Variants in TMEM108 observed in about 807,000 individuals in gnomAD.
TMEM108 encodes the protein transmembrane protein 108.
In TMEM108, 12 loss-of-function variants were observed where a neutral mutation model predicts 35.1. The observed-to-expected ratio is 0.34, with a 90% CI of 0.22 to 0.55. The LOEUF is 0.55. Ranked by LOEUF, TMEM108 falls within the 20% of genes least tolerant of loss-of-function variation. TMEM108 has a pLI of 0.89. For synonymous variants in TMEM108, 287 were observed against 308.6 expected (o/e 0.93, Z 0.73); for missense variants, 680 against 753.3 (o/e 0.90, Z 1.14).
At chr3:133,132,934 C>T (rs774770177) in intron 2 of TMEM108, among the ~76,000 whole-genome samples, 4 of 152,124 alleles carry the variant, frequency 2.6e-5, no homozygotes, top group African/African-American at 4.8e-5. Flanking sequence ...GAAGTCACTG[C>T]GGATGTAGTG....
chr3:133,172,601 A>G (rs1576359930), intron 2 of TMEM108, among the ~76,000 whole-genome samples: 1 of 152,226 alleles, frequency 6.6e-6, no homozygotes, highest in Non-Finnish European at 1.5e-5. Flanking sequence ...CAACATAACT[A>G]TGCTTACAGA....
At chr3:133,052,444 A>G (rs919173858) in intron 2 of TMEM108, among the ~76,000 whole-genome samples, 2 of 148,122 alleles carry the variant, frequency 1.4e-5, no homozygotes, top group African/African-American at 2.5e-5. Flanking sequence ...AGATACTTTT[A>G]TTTCTTCCTT....
intron 3 of TMEM108, among the ~76,000 whole-genome samples, chr3:133,298,538 ATTC>A (rs1208165501): frequency 6.6e-6 from 1 of 152,160 alleles, no homozygotes; most frequent in Non-Finnish European, 1.5e-5. Context: ...AAGCTGTAAA[ATTC>A]TTCTTCTAGA....
At chr3:133,102,201 A>G (rs1475026336) in intron 2 of TMEM108, among the ~76,000 whole-genome samples, 1 of 152,236 alleles carries the variant, frequency 6.6e-6, no homozygotes, top group Non-Finnish European at 1.5e-5. Context: ...AGATGCCTTC[A>G]GGCTGAGAGC....
intron 3 of TMEM108, among the ~76,000 whole-genome samples, chr3:133,250,273 G>A (rs1042489463): frequency 1.1e-4 from 16 of 152,054 alleles, no homozygotes; most frequent in African/African-American, 3.6e-4. Context: ...CTCCTCTTCC[G>A]CTCTACCTCA....
chr3:133,275,110 G>C (rs184752367), intron 3 of TMEM108, among the ~76,000 whole-genome samples: 4 of 152,172 alleles, frequency 2.6e-5, no homozygotes, highest in Admixed American at 2.6e-4. Flanking sequence ...AAGAGCGCTA[G>C]ATCAGGAGTC....
intron 2 of TMEM108, among the ~76,000 whole-genome samples, chr3:133,137,507 A>C (rs1192611053): frequency 6.6e-6 from 1 of 152,168 alleles, no homozygotes; most frequent in Non-Finnish European, 1.5e-5. Context: ...AAAGGAAGGA[A>C]AACATCTGAA....
At chr3:133,312,180 A>G (rs542991485) in intron 3 of TMEM108, among the ~76,000 whole-genome samples, 41 of 152,352 alleles carry the variant, frequency 2.7e-4, no homozygotes, top group African/African-American at 9.9e-4. Flanking sequence ...GTTAGGCTAC[A>G]CAGGGGTCAG....
At chr3:133,337,016 C>T (rs1290298369) in intron 3 of TMEM108, among the ~76,000 whole-genome samples, 1 of 152,146 alleles carries the variant, frequency 6.6e-6, no homozygotes, top group Non-Finnish European at 1.5e-5. Context: ...GGTTTGAGTG[C>T]CAGCTCAGCC....
intron 3 of TMEM108, among the ~76,000 whole-genome samples, chr3:133,301,792 A>G (rs1261594550): frequency 6.6e-6 from 1 of 152,186 alleles, no homozygotes; most frequent in Admixed American, 6.5e-5. Flanking sequence ...AGACCAGCAC[A>G]AAAACACTCA....
chr3:133,095,420 T>C (rs1399032189), intron 2 of TMEM108, among the ~76,000 whole-genome samples: 1 of 152,212 alleles, frequency 6.6e-6, no homozygotes, highest in Non-Finnish European at 1.5e-5. Context: ...AGCTTTTCCA[T>C]GGACTTGAGG....
intron 2 of TMEM108, among the ~76,000 whole-genome samples, chr3:133,164,525 G>T (rs1455423602): frequency 6.6e-6 from 1 of 152,208 alleles, no homozygotes; most frequent in Admixed American, 6.5e-5. Flanking sequence ...CTTGTAGTGA[G>T]AATCTTAGGT....
At chr3:133,210,677 G>C (rs960648160) in intron 2 of TMEM108, among the ~76,000 whole-genome samples, 1 of 152,150 alleles carries the variant, frequency 6.6e-6, no homozygotes. Context: ...AAGACATAAA[G>C]ATAAAACTCA....
At chr3:133,231,619 C>T (rs62280355) in intron 3 of TMEM108, among the ~76,000 whole-genome samples, 48,272 of 151,990 alleles carry the variant, frequency 0.32, 8,506 homozygotes, top group East Asian at 0.47. Context: ...CCACATTGTA[C>T]TATCTGAGGA....
intron 2 of TMEM108, among the ~76,000 whole-genome samples, chr3:133,052,026 C>T (rs1371429904): frequency 2.0e-5 from 3 of 152,080 alleles, no homozygotes; most frequent in African/African-American, 7.2e-5. Context: ...TTGGTAGCCA[C>T]AAAATAACTT....
intron 3 of TMEM108, among the ~76,000 whole-genome samples, chr3:133,253,053 T>C (rs1253482255): frequency 1.3e-5 from 2 of 152,218 alleles, no homozygotes; most frequent in Non-Finnish European, 2.9e-5. Context: ...AGGATGTGTG[T>C]AGGTTACATG....
chr3:133,181,191 G>A (rs1279751352), intron 2 of TMEM108, among the ~76,000 whole-genome samples: 1 of 152,048 alleles, frequency 6.6e-6, no homozygotes, highest in African/African-American at 2.4e-5. Context: ...GGCAGCATAG[G>A]AAGGTGATAA....
chr3:133,340,048 G>A (rs1849506), intron 3 of TMEM108, among the ~76,000 whole-genome samples: 78,754 of 151,196 alleles, frequency 0.52, 21,628 homozygotes, highest in East Asian at 0.86. Context: ...AGAACTAGAA[G>A]AGCAAGAGGA....
chr3:133,049,558 GA>G, intron 2 of TMEM108, among the ~76,000 whole-genome samples: 1 of 152,266 alleles, frequency 6.6e-6, no homozygotes, highest in South Asian at 2.1e-4. Flanking sequence ...CCATCCTGGG[GA>G]AACTTTTCAG....
Sources: allele counts gnomAD v4.1 joint callset (sites outside exome capture counted in the v4.1 genomes callset), GRCh38; gene constraint gnomAD v4.1.1; transcripts MANE v1.5; gene names NCBI Gene and HGNC (gene_info 2026-07-23, HGNC 2026-07-21).